LRRC4C: variants seen among roughly 807,000 people sequenced by gnomAD.
LRRC4C encodes the protein leucine-rich repeat-containing protein 4C.
In LRRC4C, 5 loss-of-function variants were observed where a neutral mutation model predicts 33.6. The observed-to-expected ratio is 0.15, with a 90% confidence interval of 0.08 to 0.31. LRRC4C has a LOEUF of 0.31. Among genes scored for constraint, LRRC4C ranks in the 10% least tolerant of loss-of-function variants. LRRC4C has a pLI of 1.00. For missense variants in LRRC4C, 560 were observed against 796.7 expected (o/e 0.70, Z 3.58); for synonymous variants, 329 against 302.0 (o/e 1.09, Z -0.93).
chr11:41,006,947 A>C (rs1041733459), intron 1 of LRRC4C, among the ~76,000 whole-genome samples: 2 of 152,160 alleles, frequency 1.3e-5, no homozygotes, highest in Non-Finnish European at 2.9e-5. Flanking sequence ...CTTACAAGGT[A>C]GAAACGAAAG....
chr11:41,123,060 T>C (rs927070155), intron 1 of LRRC4C: 4 of 152,036 alleles, frequency 2.6e-5, no homozygotes, highest in African/African-American at 9.7e-5. Context: ...TGTTGAATTG[T>C]TGGAAGAACT....
chr11:40,408,708 C>A (rs1006176666), intron 3 of LRRC4C, among the ~76,000 whole-genome samples: 16 of 151,790 alleles, frequency 1.1e-4, no homozygotes, highest in Non-Finnish European at 1.9e-4. Flanking sequence ...TTTTGTGACA[C>A]ATGATAATAT....
chr11:40,542,905 ATT>A (rs777635522), intron 3 of LRRC4C, among the ~76,000 whole-genome samples: 1 of 152,114 alleles, frequency 6.6e-6, no homozygotes, highest in African/African-American at 2.4e-5. Flanking sequence ...TAAGGCATAC[ATT>A]TAAACTGACA....
chr11:40,586,961 C>CT (rs1958784811), intron 3 of LRRC4C, among the ~76,000 whole-genome samples: 1 of 152,000 alleles, frequency 6.6e-6, no homozygotes, highest in African/African-American at 2.4e-5. Flanking sequence ...GATGCGGGCT[C>CT]TTTTTTGGTT....
At chr11:40,915,458 T>C (rs1441962389) in intron 2 of LRRC4C, among the ~76,000 whole-genome samples, 1 of 152,186 alleles carries the variant, frequency 6.6e-6, no homozygotes, top group African/African-American at 2.4e-5. Flanking sequence ...GGATTCCCTA[T>C]TTAATAAATG....
intron 1 of LRRC4C, among the ~76,000 whole-genome samples, chr11:41,235,788 T>C (rs1331782613): frequency 1.3e-5 from 2 of 152,274 alleles, no homozygotes; most frequent in South Asian, 4.1e-4. Flanking sequence ...GGGATTTATA[T>C]GTATACATGT....
intron 3 of LRRC4C, among the ~76,000 whole-genome samples, chr11:40,525,747 C>G (rs1489385866): frequency 3.3e-5 from 5 of 151,304 alleles, no homozygotes; most frequent in African/African-American, 9.7e-5. Context: ...GATTGGGAAG[C>G]TGATTTTAAA....
At chr11:40,827,514 C>G (rs1193066645) in intron 2 of LRRC4C, among the ~76,000 whole-genome samples, 1 of 151,876 alleles carries the variant, frequency 6.6e-6, no homozygotes, top group African/African-American at 2.4e-5. Flanking sequence ...GATAGACTTA[C>G]ACTGACTCTT....
chr11:40,492,361 C>A lies in LRRC4C; in HGVS notation c.-270+155781G>T, dbSNP rs549420038. Among the ~76,000 whole-genome samples the A allele has an allele frequency of 3.9e-5, 6 of 152,176 alleles. No homozygotes were observed. In the East Asian group the frequency reaches 5.8e-4, roughly 15 times the overall value. On this transcript the variant is annotated intron_variant, in intron 3 of 6. Transcript: ENST00000528697. ...CACAGATATACAAATTATGAAAGAC[C>A]ATTTTGCTTTCAGCTGCCATAGTTA...
intron 4 of LRRC4C, among the ~76,000 whole-genome samples, chr11:40,251,224 T>A (rs1187787267): frequency 6.6e-6 from 1 of 152,212 alleles, no homozygotes; most frequent in African/African-American, 2.4e-5. Flanking sequence ...TAATTTTAGA[T>A]ACATTAATTA....
At position 40,693,497 on chromosome 11, in the gene LRRC4C, G is replaced by C. The variant is rs182307456; in HGVS notation, c.-406-45219C>G. On this transcript the variant is annotated intron_variant, in intron 2 of 6. Transcript: ENST00000528697. ...GTGTGTAGGGTGAGGGCCGGGCTCTGCAGGGGGTAGGTAATCTGCAGACTT... is the reference window on the plus strand; with the variant it reads ...GTGTGTAGGGTGAGGGCCGGGCTCTCCAGGGGGTAGGTAATCTGCAGACTT... Among the ~76,000 whole-genome samples the C allele has an allele frequency of 6.6e-5, 10 of 152,088 alleles. No homozygotes were observed. In the East Asian group the frequency reaches 1.5e-3, roughly 24 times the overall value.
intron 2 of LRRC4C, among the ~76,000 whole-genome samples, chr11:40,753,018 C>A (rs1442065220): frequency 6.6e-6 from 1 of 152,054 alleles, no homozygotes; most frequent in Non-Finnish European, 1.5e-5. Flanking sequence ...ATAAGTCAGG[C>A]ACTGAAAGAC....
At chr11:40,182,526 T>A (rs1590640001) in intron 5 of LRRC4C, among the ~76,000 whole-genome samples, 1 of 152,208 alleles carries the variant, frequency 6.6e-6, no homozygotes, top group East Asian at 1.9e-4. Flanking sequence ...TTCCAAAAAC[T>A]TCTTATTTTA....
chr11:41,256,380 TACTCCCTCA>T lies in LRRC4C; in HGVS notation c.-496+203042_-496+203050del, dbSNP rs531216059. Reference sequence around the variant, plus strand: ...TATCCAAATCAGTAAACCAATCAGTTACTCCCTCATACTACCACTGTTGGTAGATAAAAT... The same window carrying T: ...TATCCAAATCAGTAAACCAATCAGTTTACTACCACTGTTGGTAGATAAAAT... On this transcript the variant is annotated intron_variant, in intron 1 of 6. Transcript: ENST00000528697. Among the ~76,000 whole-genome samples the T allele has an allele frequency of 1.1e-4, 16 of 152,076 alleles. No individual in the cohort carries two copies. In the East Asian group the frequency reaches 3.1e-3, roughly 29 times the overall value.
At chr11:41,359,320 T>A (rs1468222320) in intron 1 of LRRC4C, among the ~76,000 whole-genome samples, 2 of 152,000 alleles carry the variant, frequency 1.3e-5, no homozygotes, top group Non-Finnish European at 2.9e-5. Flanking sequence ...ATAGCAAGAG[T>A]GAACTCTAAT....
intron 1 of LRRC4C, among the ~76,000 whole-genome samples, chr11:41,093,428 T>G (rs1354208805): frequency 6.6e-6 from 1 of 152,216 alleles, no homozygotes; most frequent in Non-Finnish European, 1.5e-5. Context: ...GCACACAAAT[T>G]CAGAAATTGT....
At chr11:40,681,615 A>G (rs1944689732) in intron 2 of LRRC4C, among the ~76,000 whole-genome samples, 1 of 152,092 alleles carries the variant, frequency 6.6e-6, no homozygotes, top group Non-Finnish European at 1.5e-5. Flanking sequence ...CTAGGCATAA[A>G]ATGGCTGGGT....
chr11:40,377,745 A>C, intron 3 of LRRC4C, among the ~76,000 whole-genome samples: 1 of 152,098 alleles, frequency 6.6e-6, no homozygotes, highest in East Asian at 1.9e-4. Context: ...AGAGGAAAGA[A>C]AACAAAAGAA....
intron 1 of LRRC4C, among the ~76,000 whole-genome samples, chr11:41,301,982 T>C (rs545082128): frequency 7.9e-5 from 12 of 152,332 alleles, no homozygotes. Flanking sequence ...TGACAGTACA[T>C]TGCAGATATC....
Sources: gnomAD v4.1 joint callset for allele counts (sites outside exome capture counted in the v4.1 genomes callset) on GRCh38, gnomAD v4.1.1 for gene constraint, MANE v1.5 for transcripts, NCBI Gene and HGNC (gene_info 2026-07-23, HGNC 2026-07-21) for gene names.